The following ANK3 variants were observed in gnomAD, a reference collection of about 807,000 sequenced individuals.
ANK3 encodes the protein ankyrin 3.
A neutral mutation model predicts 370.9 loss-of-function variants in ANK3; 57 were observed. The ratio of observed to expected loss-of-function variants is 0.15; its 90% CI spans 0.12 to 0.19. The LOEUF is 0.19. Ranked by LOEUF, ANK3 falls within the 10% of genes least tolerant of loss-of-function variation. The pLI is 1.00. For missense variants in ANK3, 4,439 were observed against 5,302.1 expected, an observed-to-expected ratio of 0.84 and a Z score of 5.06; for synonymous variants, 1,929 against 1,946.3, an observed-to-expected ratio of 0.99 and a Z score of 0.23.
intron 6 of ANK3, 65 bp downstream of exon 6, chr10:60,263,770 C>T: frequency 1.3e-6 from 2 of 1,581,618 alleles, no homozygotes; most frequent in Non-Finnish European, 1.7e-6. Flanking sequence ...AGACCGGGTG[C>T]TCTTAAAGGT....
intron 1 of ANK3, among the ~76,000 whole-genome samples, chr10:60,618,954 A>G (rs1373371168): frequency 1.3e-5 from 2 of 151,988 alleles, no homozygotes; most frequent in African/African-American, 4.8e-5. Context: ...AGAAATAAGA[A>G]AAAAAATGTC....
chr10:60,148,930 G>T (rs1257284186), intron 23 of ANK3, among the ~76,000 whole-genome samples: 1 of 152,184 alleles, frequency 6.6e-6, no homozygotes, highest in African/African-American at 2.4e-5. Flanking sequence ...AATCCAGACT[G>T]CATTATTCTC....
At chr10:60,179,367 G>A (rs2096074867) in intron 18 of ANK3, among the ~76,000 whole-genome samples, 1 of 152,214 alleles carries the variant, frequency 6.6e-6, no homozygotes, top group Non-Finnish European at 1.5e-5. Context: ...GGGCAGGAAA[G>A]GTTACATGCT....
upstream of ANK3, among the ~76,000 whole-genome samples, chr10:60,392,602 C>T (rs915570408): frequency 1.3e-5 from 2 of 152,184 alleles, no homozygotes; most frequent in Admixed American, 1.3e-4. Flanking sequence ...ATAGGATGGG[C>T]GTGGCCCATG....
intron 2 of ANK3, among the ~76,000 whole-genome samples, chr10:60,436,523 A>C (rs1220766312): frequency 1.3e-5 from 2 of 152,124 alleles, no homozygotes; most frequent in African/African-American, 4.8e-5. Context: ...ATGATATCTC[A>C]TTGTAGTTTT....
intron 7 of ANK3, among the ~76,000 whole-genome samples, chr10:60,249,594 G>A (rs1009769359): frequency 6.6e-6 from 1 of 152,164 alleles, no homozygotes; most frequent in Non-Finnish European, 1.5e-5. Context: ...AGATGCTGGA[G>A]TTTCAAACAT....
chr10:60,036,671 C>T (rs767862605), intron 43 of ANK3, among the ~76,000 whole-genome samples: 2 of 151,860 alleles, frequency 1.3e-5, no homozygotes, highest in Non-Finnish European at 2.9e-5. Flanking sequence ...CTCCTGACTT[C>T]GTGATCTGCC....
At chr10:60,659,272 T>C (rs2078906326) in intron 1 of ANK3, among the ~76,000 whole-genome samples, 1 of 152,176 alleles carries the variant, frequency 6.6e-6, no homozygotes, top group Non-Finnish European at 1.5e-5. Context: ...TTTGACATAA[T>C]TATGGCAGGG....
rs536626800 is a variant in ANK3 at position 60,321,625 on chromosome 10, C to G, written c.115-41986G>C. On this transcript the variant is annotated intron_variant, in intron 1 of 43. Transcript: ENST00000280772. The stretch of plus-strand genomic sequence containing the variant: ...TCACAGTGTCCTCGTTAGATAGACA[C>G]CACTATCAGTCTCACTTTATAAGTG... Among the ~76,000 whole-genome samples the G allele has an allele frequency of 3.3e-5, 5 of 152,314 alleles. No homozygotes were observed. The East Asian group carries it at 9.7e-4, about 29-fold the overall frequency.
intron 2 of ANK3, among the ~76,000 whole-genome samples, chr10:60,432,360 G>A (rs1234087677): frequency 6.6e-6 from 1 of 152,236 alleles, no homozygotes; most frequent in Middle Eastern, 3.4e-3. Context: ...ATTTTCTTGG[G>A]AATAAACTTT....
chr10:60,395,947 T>C (rs752575691), intron 2 of ANK3, among the ~76,000 whole-genome samples: 2 of 152,136 alleles, frequency 1.3e-5, no homozygotes, highest in Non-Finnish European at 2.9e-5. Context: ...GTCAGATCTC[T>C]TTTCGCTACC....
At chr10:60,292,713 C>CTTT (rs55791354) in intron 1 of ANK3, among the ~76,000 whole-genome samples, 3,608 of 138,920 alleles carry the variant, frequency 0.026, 159 homozygotes, top group African/African-American at 0.087. Context: ...GACTTTCTTT[C>CTTT]TTTTTTTTTT....
chr10:60,287,926 C>A (rs1340750665), intron 1 of ANK3, among the ~76,000 whole-genome samples: 5 of 152,158 alleles, frequency 3.3e-5, no homozygotes, highest in Admixed American at 2.0e-4. Context: ...TACCATATCT[C>A]ATTTGTTCAA....
At chr10:60,551,748 T>C (rs2077092994) in intron 2 of ANK3, among the ~76,000 whole-genome samples, 1 of 152,200 alleles carries the variant, frequency 6.6e-6, no homozygotes, top group African/African-American at 2.4e-5. Flanking sequence ...TTTTATCTCA[T>C]ATGACCTTTA....
intron 2 of ANK3, among the ~76,000 whole-genome samples, chr10:60,453,256 G>A (rs2064658548): frequency 6.6e-6 from 1 of 152,126 alleles, no homozygotes; most frequent in Non-Finnish European, 1.5e-5. Flanking sequence ...GGACTGAATT[G>A]CACACTGCTG....
intron 2 of ANK3, among the ~76,000 whole-genome samples, chr10:60,605,899 A>G (rs1300670030): frequency 6.6e-6 from 1 of 152,224 alleles, no homozygotes; most frequent in Admixed American, 6.5e-5. Context: ...AATACTCTTT[A>G]TGACTTCATG....
intron 1 of ANK3, among the ~76,000 whole-genome samples, chr10:60,366,828 C>T (rs535294850): frequency 4.6e-5 from 7 of 152,260 alleles, no homozygotes; most frequent in Admixed American, 2.0e-4. Flanking sequence ...TCAATATGTA[C>T]CGCTTAAGAC....
chr10:60,045,065 C>G (rs933670559), intron 42 of ANK3, among the ~76,000 whole-genome samples: 18 of 152,074 alleles, frequency 1.2e-4, no homozygotes, highest in Non-Finnish European at 4.4e-5. Flanking sequence ...TCTATAAGAA[C>G]ACAAAGTTGT....
chr10:60,623,409 T>G (rs1310199720), intron 1 of ANK3, among the ~76,000 whole-genome samples: 1 of 152,104 alleles, frequency 6.6e-6, no homozygotes, highest in Non-Finnish European at 1.5e-5. Context: ...AAGGATGGGT[T>G]GGAGTTTGAA....
Sources: allele counts gnomAD v4.1 joint callset (sites outside exome capture counted in the v4.1 genomes callset), GRCh38; gene constraint gnomAD v4.1.1; transcripts MANE v1.5; gene names NCBI Gene and HGNC (gene_info 2026-07-23, HGNC 2026-07-21).